The following WT1 variants were observed in gnomAD, a reference collection of about 807,000 sequenced individuals.
WT1 encodes Wilms tumor protein.
Under a neutral mutation model 60.8 loss-of-function variants are expected in WT1, and 8 were observed. The observed-to-expected ratio is 0.13, with a 90% CI of 0.08 to 0.24. The LOEUF (loss-of-function observed/expected upper bound fraction) is 0.24, where lower values mean the gene tolerates loss of function less well. Ranked by LOEUF, WT1 falls within the 10% of genes least tolerant of loss-of-function variation. The pLI, the probability that WT1 is intolerant of heterozygous loss-of-function variation, is 1.00. For missense variants in WT1, 568 were observed against 711.8 expected (o/e 0.80, Z 2.30); for synonymous variants, 312 against 297.1 (o/e 1.05, Z -0.52).
At chr11:32,397,512 G>C (rs1380621934) in intron 6 of WT1, among the ~76,000 whole-genome samples, 1 of 150,402 alleles carries the variant, frequency 6.6e-6, no homozygotes, top group African/African-American at 2.5e-5. Flanking sequence ...TAGAGATAGG[G>C]TCTCCCTATG....
At chr11:32,427,616 C>A (rs1853099266) in intron 3 of WT1, among the ~76,000 whole-genome samples, 1 of 152,230 alleles carries the variant, frequency 6.6e-6, no homozygotes, top group Non-Finnish European at 1.5e-5. Context: ...GGTCTCAGAA[C>A]CGAGTGGGAG....
At chr11:32,396,212 C>A (rs757242370) in intron 7 of WT1, 45 bp downstream of exon 7, 1 of 1,613,496 alleles carries the variant, frequency 6.2e-7, no homozygotes, top group Non-Finnish European at 8.5e-7. Flanking sequence ...GGAAAAGGAG[C>A]TCTTGAACCA....
intron 5 of WT1, among the ~76,000 whole-genome samples, chr11:32,412,173 A>C (rs1272761591): frequency 6.6e-6 from 1 of 152,212 alleles, no homozygotes; most frequent in African/African-American, 2.4e-5. Context: ...CTTTTGGCAC[A>C]GGTTCTCAGG....
At chr11:32,429,382 C>T (rs1049882729) in intron 1 of WT1, among the ~76,000 whole-genome samples, 4 of 151,834 alleles carry the variant, frequency 2.6e-5, no homozygotes, top group African/African-American at 4.8e-5. Flanking sequence ...TTAGAGTGTG[C>T]CTGACACTGT....
In WT1 at chr11:32,396,412, A is replaced by G. The variant is rs2132942422; in HGVS notation, c.1114-5T>C. 3.1e-6 allele frequency: 5 copies of G among 1,613,650 alleles called. No homozygotes were observed. Among genetic ancestry groups the G allele is most frequent in the Non-Finnish European group, 4.2e-6 (5 of 1,180,024 alleles). ...TCCAGGCACACGTCGCACATCCTGC[A>G]GGCAGAGAGTAAGAGGAAGGGAGGC... On this transcript the variant is annotated splice_region_variant and splice_polypyrimidine_tract_variant and intron_variant, in intron 6 of 9. Coordinates refer to ENST00000452863, the MANE Select transcript of WT1 (RefSeq NM_024426.6).
intron 5 of WT1, 40 bp from the exon 6 acceptor site, chr11:32,400,084 A>C (rs2132959999): frequency 6.2e-7 from 1 of 1,608,096 alleles, no homozygotes; most frequent in Non-Finnish European, 8.5e-7. Flanking sequence ...AGTGTGGCTC[A>C]CAGTCGCCAT....
intron 3 of WT1, among the ~76,000 whole-genome samples, chr11:32,427,098 C>A (rs1853073812): frequency 6.6e-6 from 1 of 152,210 alleles, no homozygotes; most frequent in Non-Finnish European, 1.5e-5. Context: ...GCTATGAGGT[C>A]ATGCGCGCCC....
chr11:32,427,905 G>C, intron 3 of WT1, 51 bp downstream of exon 3: 2 of 1,541,984 alleles, frequency 1.3e-6, no homozygotes, highest in East Asian at 2.3e-5. Context: ...CGGCTCATGC[G>C]TCCCCTCCGG....
At chr11:32,403,528 G>A (rs1852217827) in intron 5 of WT1, among the ~76,000 whole-genome samples, 1 of 149,906 alleles carries the variant, frequency 6.7e-6, no homozygotes, top group African/African-American at 2.5e-5. Flanking sequence ...GCTGAAATCT[G>A]TCTTCTCATT....
chr11:32,424,496 T>C (rs938462341), intron 3 of WT1, among the ~76,000 whole-genome samples: 1 of 152,208 alleles, frequency 6.6e-6, no homozygotes, highest in Non-Finnish European at 1.5e-5. Flanking sequence ...TAAGGACTCA[T>C]GCTGTCATCC....
At chr11:32,407,854 T>A (rs1219678966) in intron 5 of WT1, among the ~76,000 whole-genome samples, 1 of 151,450 alleles carries the variant, frequency 6.6e-6, no homozygotes, top group Non-Finnish European at 1.5e-5. Context: ...TCAATTACAT[T>A]TACCTAAAAA....
chr11:32,432,747 C>A (rs2133094568), intron 1 of WT1, among the ~76,000 whole-genome samples: 1 of 152,310 alleles, frequency 6.6e-6, no homozygotes, highest in East Asian at 1.9e-4. Context: ...CAGTCCCACC[C>A]CCCACGACAT....
At chr11:32,403,825 G>A (rs997456962) in intron 5 of WT1, among the ~76,000 whole-genome samples, 1 of 151,750 alleles carries the variant, frequency 6.6e-6, no homozygotes, top group Non-Finnish European at 1.5e-5. Context: ...CTCCCGCCTC[G>A]GCTCCCATTG....
intron 6 of WT1, among the ~76,000 whole-genome samples, chr11:32,399,627 T>A (rs1262933709): frequency 6.6e-6 from 1 of 152,224 alleles, no homozygotes; most frequent in African/African-American, 2.4e-5. Context: ...GTCCAAGCGG[T>A]TAATTCAAGC....
chr11:32,399,895 G>T (rs1852094245), intron 6 of WT1, 53 bp downstream of exon 6: 2 of 1,592,234 alleles, frequency 1.3e-6, no homozygotes, highest in Non-Finnish European at 1.7e-6. Flanking sequence ...GGGCCGGTAA[G>T]TAGGAAGAGG....
rs753563999 is a variant in WT1 at position 32,399,910 on chromosome 11, G to A, written c.1113+38C>T. On this transcript the variant is annotated intron_variant, in intron 6 of 9. Coordinates refer to ENST00000452863, the MANE Select transcript of WT1 (RefSeq NM_024426.6). ...GGGCCGGTAAGTAGGAAGAGGCAGT[G>A]CGGCCCCCTTCCCGCTGGGGCCTGT... is the stretch of plus-strand genomic sequence containing the variant. 9.4e-6 allele frequency: 15 copies of A among 1,601,410 alleles called. No individual in the cohort carries two copies. The South Asian group carries it at 1.5e-4, about 17-fold the overall frequency.
rs1444441326 is a variant in WT1, at chr11:32,388,612, T to C, written c.*446A>G. The stretch of plus-strand genomic sequence containing the variant: ...ATTTATTTCTTGCTGTTGCTGTTAG[T>C]AAATGGAAACCATGACAAAGTTTAC... On this transcript the variant is annotated 3_prime_UTR_variant, in exon 10 of 10. Coordinates refer to ENST00000452863, the MANE Select transcript of WT1 (RefSeq NM_024426.6). The C allele has an allele frequency of 3.9e-6, 1 of 254,516 alleles. No homozygotes were observed. Among genetic ancestry groups the C allele is most frequent in the East Asian group, 5.5e-5 (1 of 18,286 alleles). The allele number at this position is 254,516 out of a possible 1,614,324, so 15.8% of individuals were successfully genotyped here. A position where few individuals can be genotyped will look rare whatever the true frequency, so the allele number is the denominator to read the frequency against.
chr11:32,398,281 G>A (rs1590342320), intron 6 of WT1, among the ~76,000 whole-genome samples: 1 of 152,146 alleles, frequency 6.6e-6, no homozygotes, highest in African/African-American at 2.4e-5. Flanking sequence ...TATATCTAGA[G>A]TACTGACCAT....
intron 5 of WT1, among the ~76,000 whole-genome samples, chr11:32,408,330 T>G (rs1467853361): frequency 6.6e-6 from 1 of 151,082 alleles, no homozygotes; most frequent in Admixed American, 6.6e-5. Context: ...CTGGCTAACA[T>G]GGTGAAACCC....
Sources: allele counts gnomAD v4.1 joint callset (sites outside exome capture counted in the v4.1 genomes callset), GRCh38; gene constraint gnomAD v4.1.1; transcripts MANE v1.5; gene names NCBI Gene and HGNC (gene_info 2026-07-23, HGNC 2026-07-21).